SOD2: variants seen among roughly 807,000 people sequenced by gnomAD.
SOD2 encodes superoxide dismutase [Mn], mitochondrial.
A neutral mutation model predicts 27.0 loss-of-function variants in SOD2; 11 were observed. The observed-to-expected ratio is 0.41, with a 90% CI of 0.26 to 0.67. SOD2 has a LOEUF of 0.67. SOD2 is among the 30% of genes least tolerant of loss of function. The pLI is 0.34. For synonymous variants in SOD2, 105 were observed against 103.0 expected, an observed-to-expected ratio of 1.02 and a Z score of -0.12; for missense variants, 250 against 274.5, an observed-to-expected ratio of 0.91 and a Z score of 0.63.
intron 1 of SOD2, among the ~76,000 whole-genome samples, chr6:159,710,229 G>A (rs565904877): frequency 1.3e-5 from 2 of 150,202 alleles, no homozygotes; most frequent in East Asian, 1.9e-4. Context: ...AAACCTGCAC[G>A]TTCGTTGTGC....
intron 1 of SOD2, among the ~76,000 whole-genome samples, chr6:159,734,637 C>G (rs1447147692): frequency 6.6e-6 from 1 of 151,798 alleles, no homozygotes; most frequent in Non-Finnish European, 1.5e-5. Flanking sequence ...ATGGTGGGTC[C>G]CCATCTCTTA....
At chr6:159,708,472 A>G (rs954042384) in intron 1 of SOD2, among the ~76,000 whole-genome samples, 8 of 152,238 alleles carry the variant, frequency 5.3e-5, no homozygotes, top group Non-Finnish European at 8.8e-5. Flanking sequence ...TTATACATCA[A>G]TAACAGACAA....
At position 159,674,968 on chromosome 6, in the gene SOD2, G is replaced by A. The variant is rs931783942; in HGVS notation, c.*7525C>T. The A allele has an allele frequency of 2.6e-4, 40 of 152,110 alleles. 1 individual carries two copies. The highest frequency in any genetic ancestry group is 8.8e-5 in the Non-Finnish European group (6 of 68,030). 9.4% of individuals were successfully genotyped at this position (152,110 alleles called of 1,614,324 possible). On this transcript the variant is annotated 3_prime_UTR_variant, in exon 5 of 5. Transcript: ENST00000538183. ...TACACCAACAACAGACAAACAGAGA[G>A]CCAAATCATGAGTGAACTCCCATTC...
chr6:159,693,342 C>T (rs1309642257), upstream of SOD2: 15 of 227,188 alleles, frequency 6.6e-5, no homozygotes, highest in Non-Finnish European at 9.5e-5. Context: ...CCCCCCCCCG[C>T]GGGCCCCGCC....
chr6:159,707,615 G>T (rs958152146), intron 1 of SOD2, among the ~76,000 whole-genome samples: 1 of 152,166 alleles, frequency 6.6e-6, no homozygotes, highest in Non-Finnish European at 1.5e-5. Context: ...TGAAATTGAG[G>T]CAATAATTAA....
intron 1 of SOD2, among the ~76,000 whole-genome samples, chr6:159,714,569 C>T (rs151328143): frequency 1.3e-5 from 2 of 152,186 alleles, no homozygotes; most frequent in Non-Finnish European, 1.5e-5. Context: ...CATCGCCAGG[C>T]GGTACTCTTT....
At chr6:159,742,038 T>A in intron 1 of SOD2, 8 of 1,279,736 alleles carry the variant, frequency 6.3e-6, no homozygotes, top group Non-Finnish European at 7.8e-6. Context: ...CTAGTTTATT[T>A]AATAAACTAT....
At chr6:159,713,823 CTT>C in intron 1 of SOD2, 1 of 1,086,380 alleles carries the variant, frequency 9.2e-7, no homozygotes, top group South Asian at 1.3e-5. Context: ...TCAACAAATG[CTT>C]CACCACTTGG....
chr6:159,739,229 T>C (rs115193813), intron 1 of SOD2, among the ~76,000 whole-genome samples: 1 of 152,228 alleles, frequency 6.6e-6, no homozygotes, highest in African/African-American at 2.4e-5. Context: ...CGTAACACTT[T>C]AAAGAACTAC....
At chr6:159,755,717 G>A (rs1052051436) in intron 1 of SOD2, 78 of 980,926 alleles carry the variant, frequency 8.0e-5, no homozygotes, top group Non-Finnish European at 8.9e-5. Flanking sequence ...GTGGGTGTAC[G>A]TTTTGGTTTT....
At chr6:159,732,347 C>A (rs940251213), upstream of SOD2, among the ~76,000 whole-genome samples, 4 of 152,066 alleles carry the variant, frequency 2.6e-5, no homozygotes, top group Non-Finnish European at 5.9e-5. Context: ...AAAAGGTATA[C>A]CACCTAGCCA....
upstream of SOD2, among the ~76,000 whole-genome samples, chr6:159,729,876 C>T (rs1165183843): frequency 6.6e-6 from 1 of 152,160 alleles, no homozygotes; most frequent in African/African-American, 2.4e-5. Context: ...AACTGAGTTA[C>T]CTAACTTTAT....
rs1779078769 is a variant in SOD2, at chr6:159,738,921, A to G, written c.-116+6209T>C. On this transcript the variant is annotated intron_variant, in intron 1 of 3. Transcript: ENST00000537657. Reference sequence around the variant, plus strand: ...AAATCTCACACTTGGGAGATGTTTCATAGGTCTCATTATAGAACTTTGTGT... The same window carrying G: ...AAATCTCACACTTGGGAGATGTTTCGTAGGTCTCATTATAGAACTTTGTGT... 4 of 1,158,746 alleles carry G rather than the reference A, an allele frequency of 3.5e-6. No individual in the cohort carries two copies. In the South Asian group the frequency reaches 5.4e-5, roughly 16 times the overall value. The allele number at this position is 1,158,746 out of a possible 1,614,324, so 71.8% of individuals were successfully genotyped here.
chr6:159,738,861 T>A, intron 1 of SOD2: 1 of 584,476 alleles, frequency 1.7e-6, no homozygotes, highest in African/African-American at 1.9e-5. Context: ...AATAAAATAC[T>A]TTTTCAAAAA....
rs1004044617 is a variant in SOD2 at position 159,678,790 on chromosome 6, G to A, written c.*3703C>T. ...TGTGGGCTGAGCCCTCCACCTGTGG[G>A]ATCTGACTCCAATTCCAGGTAGACA... On this transcript the variant is annotated 3_prime_UTR_variant, in exon 5 of 5. Coordinates refer to ENST00000538183, the MANE Select transcript of SOD2 (RefSeq NM_000636.4). 2 of 152,188 alleles carry A rather than the reference G, an allele frequency of 1.3e-5. No homozygotes were observed. The highest frequency in any genetic ancestry group is 4.8e-5 in the African/African-American group (2 of 41,444). The allele number at this position is 152,188 out of a possible 1,614,324, so 9.4% of individuals were successfully genotyped here.
intron 1 of SOD2, among the ~76,000 whole-genome samples, chr6:159,732,809 G>A (rs1482496688): frequency 2.6e-5 from 4 of 152,014 alleles, no homozygotes; most frequent in Non-Finnish European, 5.9e-5. Context: ...GGGCAACAGA[G>A]ACCGGGCGCA....
chr6:159,684,837 C>G lies in SOD2; in HGVS notation c.523+17G>C. 7 of 1,594,114 alleles carry G rather than the reference C, an allele frequency of 4.4e-6. No homozygotes were observed. The highest frequency in any genetic ancestry group is 6.0e-6 in the Non-Finnish European group (7 of 1,167,984). ...AGAGCATCTCTCCCAAATGAAATCA[C>G]AATTTTTAAATCTAACCTGTTGTTC... On this transcript the variant is annotated intron_variant, in intron 4 of 4. Coordinates refer to ENST00000538183, the MANE Select transcript of SOD2 (RefSeq NM_000636.4).
upstream of SOD2, among the ~76,000 whole-genome samples, chr6:159,728,163 C>T (rs911628341): frequency 1.3e-5 from 2 of 152,250 alleles, no homozygotes; most frequent in Admixed American, 6.5e-5. Context: ...CTCTTGTAGA[C>T]TTCCATTTTT....
upstream of SOD2, among the ~76,000 whole-genome samples, chr6:159,695,513 C>T (rs1350762355): frequency 2.6e-4 from 39 of 152,070 alleles, 2 homozygotes; most frequent in Admixed American, 2.6e-3. Context: ...AGTGAACAGG[C>T]TCCGTTTTCT....
Sources: allele counts gnomAD v4.1 joint callset (sites outside exome capture counted in the v4.1 genomes callset), GRCh38; gene constraint gnomAD v4.1.1; transcripts MANE v1.5; gene names NCBI Gene and HGNC (gene_info 2026-07-23, HGNC 2026-07-21).